Variants in JADE1 observed in about 807,000 individuals in gnomAD.
The protein encoded by JADE1 is jade family PHD finger 1, also known as protein Jade-1.
A neutral mutation model predicts 81.8 loss-of-function variants in JADE1; 14 were observed. The ratio of observed to expected loss-of-function variants is 0.17; its 90% CI spans 0.11 to 0.27. The LOEUF is 0.27. Ranked by LOEUF, JADE1 falls within the 10% of genes least tolerant of loss-of-function variation. The pLI is 1.00. For synonymous variants in JADE1, 353 were observed against 391.9 expected (o/e 0.90, Z 1.17); for missense variants, 690 against 1,047.9 (o/e 0.66, Z 4.71).
At chr4:128,864,769 C>T (rs1731659200) in intron 9 of JADE1, 1 of 238,052 alleles carries the variant, frequency 4.2e-6, no homozygotes, top group Non-Finnish European at 6.8e-6. Context: ...AAGTAGCCAT[C>T]ATTAGAAATG....
At chr4:128,862,918 G>C (rs1446376309) in intron 9 of JADE1, 7 of 986,264 alleles carry the variant, frequency 7.1e-6, no homozygotes, top group Non-Finnish European at 8.4e-6. Context: ...GTGTGTGCGC[G>C]TGCCCGTGTC....
chr4:128,846,583 C>T lies in JADE1; in HGVS notation c.296+51C>T, dbSNP rs1345138933. The T allele has an allele frequency of 1.3e-6, 2 of 1,586,230 alleles. No individual in the cohort carries two copies. The highest frequency in any genetic ancestry group is 1.3e-5 in the African/African-American group (1 of 74,192). The stretch of plus-strand genomic sequence containing the variant: ...CTCTCCACCCACCCTTGCTCTTCTT[C>T]CCTGACAGCAGGCATCTGAGAAGAG... On this transcript the variant is annotated intron_variant, in intron 4 of 10. Transcript: ENST00000226319. The surrounding 1 kb of genome is among the most constrained non-coding windows in gnomAD (Gnocchi z 4.0).
intron 1 of JADE1, among the ~76,000 whole-genome samples, chr4:128,814,226 A>G (rs1289237952): frequency 6.6e-6 from 1 of 152,186 alleles, no homozygotes; most frequent in Non-Finnish European, 1.5e-5. Context: ...GTTTGAGGAA[A>G]TGTGTTTTGT....
intron 2 of JADE1, among the ~76,000 whole-genome samples, chr4:128,832,527 C>T (rs538851483): frequency 1.4e-4 from 21 of 152,308 alleles, no homozygotes; most frequent in Non-Finnish European, 2.9e-4. Context: ...AAATTAAACC[C>T]AGGACACCTT....
chr4:128,833,441 C>A (rs919136654), intron 2 of JADE1, among the ~76,000 whole-genome samples: 1 of 152,164 alleles, frequency 6.6e-6, no homozygotes, highest in African/African-American at 2.4e-5. Flanking sequence ...TGGTGGCTCA[C>A]GCCTGTATTC....
intron 2 of JADE1, among the ~76,000 whole-genome samples, chr4:128,834,391 A>G (rs1160941295): frequency 6.6e-6 from 1 of 152,002 alleles, no homozygotes; most frequent in Non-Finnish European, 1.5e-5. Flanking sequence ...TAATAGCCTC[A>G]TTTTAACTCA....
intron 7 of JADE1, 56 bp from the exon 8 acceptor site, chr4:128,857,282 C>A: frequency 1.6e-6 from 2 of 1,283,156 alleles, no homozygotes; most frequent in Non-Finnish European, 2.3e-6. Context: ...TTCTGACATT[C>A]ATGTTCAGCC....
At chr4:128,862,632 A>T (rs550653798) in intron 9 of JADE1, 2 of 1,022,042 alleles carry the variant, frequency 2.0e-6, no homozygotes, top group African/African-American at 3.4e-5. Flanking sequence ...TTTCTAATGG[A>T]GGGGGCCAGA....
intron 1 of JADE1, among the ~76,000 whole-genome samples, chr4:128,822,103 A>G (rs1727627729): frequency 2.0e-5 from 3 of 152,150 alleles, no homozygotes; most frequent in Non-Finnish European, 4.4e-5. Flanking sequence ...TGGCATATAC[A>G]TAGTTTATTG....
chr4:128,828,762 A>C (rs1382060561), intron 1 of JADE1, among the ~76,000 whole-genome samples: 1 of 152,118 alleles, frequency 6.6e-6, no homozygotes, highest in African/African-American at 2.4e-5. Context: ...GAAAGTAAGC[A>C]TTTTGATTCA....
chr4:128,851,945 C>T, intron 5 of JADE1, 112 bp from the exon 6 acceptor site: 1 of 734,196 alleles, frequency 1.4e-6, no homozygotes, highest in Non-Finnish European at 2.2e-6. Context: ...ATTTATTGTA[C>T]AATTATTTAT....
intron 2 of JADE1, among the ~76,000 whole-genome samples, chr4:128,840,252 C>G (rs1032176028): frequency 6.6e-6 from 1 of 152,192 alleles, no homozygotes; most frequent in Admixed American, 6.5e-5. Context: ...GGGATCCTGA[C>G]AGATCCTCAG....
chr4:128,843,610 G>C (rs914281097), intron 3 of JADE1, among the ~76,000 whole-genome samples: 4 of 152,124 alleles, frequency 2.6e-5, no homozygotes, highest in African/African-American at 9.7e-5. Flanking sequence ...CTTTCTGCTG[G>C]TCTTTGTTTA....
intron 9 of JADE1, 99 bp from the exon 10 acceptor site, chr4:128,867,757 C>A: frequency 1.5e-6 from 1 of 651,674 alleles, no homozygotes; most frequent in Non-Finnish European, 2.7e-6. Flanking sequence ...TGTCAAGGCC[C>A]TAGTAGGAGT....
chr4:128,856,211 C>T (rs1490456406), intron 7 of JADE1, among the ~76,000 whole-genome samples: 1 of 152,166 alleles, frequency 6.6e-6, no homozygotes, highest in African/African-American at 2.4e-5. Context: ...AAATAGGCAG[C>T]ATTGCAGCTA....
chr4:128,818,956 A>G (rs1454971540), intron 1 of JADE1, among the ~76,000 whole-genome samples: 1 of 151,896 alleles, frequency 6.6e-6, no homozygotes, highest in Non-Finnish European at 1.5e-5. Context: ...CAGCCTCCCC[A>G]GTAGCTGGGA....
chr4:128,820,461 A>G (rs1211454634), intron 1 of JADE1, among the ~76,000 whole-genome samples: 1 of 152,198 alleles, frequency 6.6e-6, no homozygotes, highest in African/African-American at 2.4e-5. Context: ...TGAGACTTGT[A>G]GGCAGAGTCT....
chr4:128,874,674 G>A lies in JADE1; in HGVS notation c.*2412G>A, dbSNP rs1396079953. ...GGAACTCTCTATGAGGTGGCCATAA[G>A]CAGCAACCAGCCCAAACACCCACTT... is the stretch of plus-strand genomic sequence containing the variant. On this transcript the variant is annotated 3_prime_UTR_variant, in exon 11 of 11. Transcript: ENST00000226319. The A allele has an allele frequency of 2.0e-5, 3 of 151,584 alleles. No individual in the cohort carries two copies. In the East Asian group the frequency reaches 5.8e-4, roughly 29 times the overall value. The allele number at this position is 151,584 out of a possible 1,614,324, so 9.4% of individuals were successfully genotyped here.
In JADE1 at chr4:128,871,340, GT is replaced by G. The variant is rs1366690321; in HGVS notation, c.1622-11del. On this transcript the variant is annotated splice_polypyrimidine_tract_variant and intron_variant, in intron 10 of 10. Transcript: ENST00000226319. This position sits in a 1 kb window ranked among gnomAD's most constrained non-coding sequence, Gnocchi z 4.1. Reference sequence around the variant, plus strand: ...CTGCTGTAATTTTTCTTTATTTGTGGTTTTATGTTTATAGGTGTGCCTTCTT... The same window carrying G: ...CTGCTGTAATTTTTCTTTATTTGTGGTTTATGTTTATAGGTGTGCCTTCTT... 6.3e-7 allele frequency: 1 copy of G among 1,594,946 alleles called. No individual in the cohort carries two copies. Among genetic ancestry groups the G allele is most frequent in the African/African-American group, 1.4e-5 (1 of 73,730 alleles).
Sources: gnomAD v4.1 joint callset for allele counts (sites outside exome capture counted in the v4.1 genomes callset) on GRCh38, gnomAD v4.1.1 for gene constraint, Gnocchi (gnomAD v3.1) non-coding constraint, MANE v1.5 for transcripts, NCBI Gene and HGNC (gene_info 2026-07-23, HGNC 2026-07-21) for gene names.